PKN2: variants seen among roughly 807,000 people sequenced by gnomAD.
The protein encoded by PKN2 is serine/threonine-protein kinase N2.
A neutral mutation model predicts 119.1 loss-of-function variants in PKN2; 38 were observed. That is an observed-to-expected ratio of 0.32 (90% confidence interval 0.25 to 0.42). The LOEUF is 0.42. Ranked by LOEUF, PKN2 falls within the 10% of genes least tolerant of loss-of-function variation. The pLI, the probability that PKN2 is intolerant of heterozygous loss-of-function variation, is 1.00. For missense variants in PKN2, 850 were observed against 1,165.1 expected (o/e 0.73, Z 3.94); for synonymous variants, 390 against 384.9 (o/e 1.01, Z -0.15).
chr1:88,725,975 A>T (rs536008042), intron 1 of PKN2, among the ~76,000 whole-genome samples: 1 of 152,300 alleles, frequency 6.6e-6, no homozygotes, highest in African/African-American at 2.4e-5. Flanking sequence ...TGTAACTGGT[A>T]TTGTGTTTTT....
chr1:88,815,482 A>T, intron 16 of PKN2: 1 of 320,816 alleles, frequency 3.1e-6, no homozygotes, highest in Non-Finnish European at 5.9e-6. Context: ...ATTTATTTTT[A>T]AAATTTTTAT....
At position 88,701,291 on chromosome 1, in the gene PKN2, A is replaced by G. The variant is rs1016167257; in HGVS notation, c.48+16663A>G. ...AAACCCTGTCTCTACTAAAAATACA[A>G]AAATTAGCCTGGCATGGAGGCAGGT... On this transcript the variant is annotated intron_variant, in intron 1 of 21. Coordinates refer to ENST00000370521, the MANE Select transcript of PKN2 (RefSeq NM_006256.4). 5.3e-5 allele frequency among the ~76,000 whole-genome samples: 8 copies of G among 152,318 alleles called. No homozygotes were observed. In the South Asian group the frequency reaches 1.7e-3, roughly 32 times the overall value.
chr1:88,814,470 T>G (rs1671905570), intron 16 of PKN2, among the ~76,000 whole-genome samples: 1 of 152,164 alleles, frequency 6.6e-6, no homozygotes, highest in Admixed American at 6.5e-5. Context: ...TGCTGGTGTT[T>G]ACCAAATTTG....
intron 12 of PKN2, among the ~76,000 whole-genome samples, chr1:88,806,422 G>A (rs866002352): frequency 3.9e-5 from 6 of 152,042 alleles, no homozygotes; most frequent in Admixed American, 3.9e-4. Context: ...AGCCCGCCTC[G>A]GCCTTCCAAA....
intron 1 of PKN2, among the ~76,000 whole-genome samples, chr1:88,707,537 T>C (rs1667051937): frequency 6.6e-6 from 1 of 152,178 alleles, no homozygotes; most frequent in Admixed American, 6.5e-5. Context: ...TACATGATTA[T>C]AGCTTATATG....
chr1:88,694,094 T>C (rs1666433923), intron 1 of PKN2, among the ~76,000 whole-genome samples: 1 of 152,186 alleles, frequency 6.6e-6, no homozygotes, highest in African/African-American at 2.4e-5. Context: ...TCCACAAGAG[T>C]ACATTTGTTG....
chr1:88,826,729 G>A (rs1206803869), intron 18 of PKN2, among the ~76,000 whole-genome samples: 1 of 151,928 alleles, frequency 6.6e-6, no homozygotes, highest in Non-Finnish European at 1.5e-5. Flanking sequence ...TGACAGAACT[G>A]GAACTTAAAC....
chr1:88,744,181 C>T (rs1047309599), intron 2 of PKN2, among the ~76,000 whole-genome samples: 7 of 152,104 alleles, frequency 4.6e-5, no homozygotes, highest in Non-Finnish European at 7.4e-5. Context: ...TTACCTTGCA[C>T]ACTAAGGTAA....
At chr1:88,713,841 GA>G (rs1667338088) in intron 1 of PKN2, among the ~76,000 whole-genome samples, 1 of 152,146 alleles carries the variant, frequency 6.6e-6, no homozygotes, top group African/African-American at 2.4e-5. Flanking sequence ...TTTTAGTCAT[GA>G]AGTCCTTGCC....
chr1:88,686,064 A>G (rs575232820), intron 1 of PKN2, among the ~76,000 whole-genome samples: 62 of 152,176 alleles, frequency 4.1e-4, no homozygotes, highest in Non-Finnish European at 7.9e-4. Flanking sequence ...AATTACAGTT[A>G]GCCTTTTATA....
At chr1:88,782,030 G>A (rs1670366956) in intron 6 of PKN2, among the ~76,000 whole-genome samples, 1 of 152,052 alleles carries the variant, frequency 6.6e-6, no homozygotes, top group South Asian at 2.1e-4. Flanking sequence ...TACACAGTAT[G>A]ATTTTTTTAG....
intron 1 of PKN2, among the ~76,000 whole-genome samples, chr1:88,730,965 A>AAAAC (rs1403933448): frequency 6.6e-6 from 1 of 152,264 alleles, no homozygotes; most frequent in Non-Finnish European, 1.5e-5. Context: ...CCTTCTGTTC[A>AAAAC]AAACAAACAA....
chr1:88,684,411 C>G lies in PKN2; in HGVS notation c.-170C>G, dbSNP rs962923858. On this transcript the variant is annotated 5_prime_UTR_variant, in exon 1 of 22. Transcript: ENST00000370521. ...CTAGCTCCCCGCCGCTCTCGATGAA[C>G]CGGACGGAATAAGCCGCGCCTCCAG... The G allele has an allele frequency of 5.3e-6, 3 of 563,464 alleles. No homozygotes were observed. The highest frequency in any genetic ancestry group is 4.6e-4 in the Middle Eastern group (1 of 2,180). The allele number at this position is 563,464 out of a possible 1,614,324, so 34.9% of individuals were successfully genotyped here.
chr1:88,691,139 C>T (rs989220276), intron 1 of PKN2, among the ~76,000 whole-genome samples: 1 of 152,162 alleles, frequency 6.6e-6, no homozygotes, highest in African/African-American at 2.4e-5. Flanking sequence ...TCTCGGCTCA[C>T]TGCAGCCTCT....
intron 3 of PKN2, among the ~76,000 whole-genome samples, chr1:88,762,083 A>G (rs1453397893): frequency 2.0e-5 from 3 of 152,294 alleles, no homozygotes; most frequent in Non-Finnish European, 2.9e-5. Flanking sequence ...AGTTATAGGA[A>G]AAGCAAGTGT....
At chr1:88,810,598 C>G (rs1671741854) in intron 15 of PKN2, among the ~76,000 whole-genome samples, 1 of 151,916 alleles carries the variant, frequency 6.6e-6, no homozygotes, top group Non-Finnish European at 1.5e-5. Flanking sequence ...ATAGCTGTTC[C>G]TAGTATACTT....
chr1:88,797,039 T>C (rs928375504), intron 8 of PKN2, among the ~76,000 whole-genome samples: 7 of 151,558 alleles, frequency 4.6e-5, no homozygotes, highest in African/African-American at 1.7e-4. Flanking sequence ...AGGTATAAAT[T>C]TGAAAATGTC....
chr1:88,793,383 A>G (rs953123894), intron 8 of PKN2, among the ~76,000 whole-genome samples: 10 of 152,180 alleles, frequency 6.6e-5, no homozygotes, highest in Admixed American at 3.9e-4. Context: ...ACTGTTGCAC[A>G]TTTCCAAAAA....
intron 1 of PKN2, among the ~76,000 whole-genome samples, chr1:88,707,584 A>G (rs770640452): frequency 3.9e-5 from 6 of 152,108 alleles, no homozygotes; most frequent in Non-Finnish European, 5.9e-5. Flanking sequence ...GAGCAAACGA[A>G]TATCTTCAAG....
Sources: allele counts gnomAD v4.1 joint callset (sites outside exome capture counted in the v4.1 genomes callset), GRCh38; gene constraint gnomAD v4.1.1; transcripts MANE v1.5; gene names NCBI Gene and HGNC (gene_info 2026-07-23, HGNC 2026-07-21).